HRH2: variants seen among roughly 807,000 people sequenced by gnomAD.
HRH2 encodes the protein histamine H2 receptor.
In HRH2, 4 loss-of-function variants were observed where a neutral mutation model predicts 20.1. The observed-to-expected ratio is 0.20, with a 90% confidence interval of 0.10 to 0.45. HRH2 has a LOEUF of 0.45. Ranked by LOEUF, HRH2 falls within the 20% of genes least tolerant of loss-of-function variation. The probability of loss-of-function intolerance (pLI) is 0.99; values close to 1 mark genes in which losing one functional copy is unlikely to be tolerated. For synonymous variants in HRH2, 197 were observed against 200.7 expected (o/e 0.98, Z 0.16); for missense variants, 250 against 461.6 (o/e 0.54, Z 4.20).
At chr5:175,697,814 C>T (rs1469191011) in intron 2 of HRH2, among the ~76,000 whole-genome samples, 2 of 152,258 alleles carry the variant, frequency 1.3e-5, no homozygotes, top group African/African-American at 4.8e-5. Flanking sequence ...ATACTTCTTC[C>T]TCTTCAGCTG....
At chr5:175,670,975 A>G (rs1243565930) in intron 1 of HRH2, among the ~76,000 whole-genome samples, 1 of 152,280 alleles carries the variant, frequency 6.6e-6, no homozygotes, top group African/African-American at 2.4e-5. Context: ...GGCAGGGGCC[A>G]ACAGAGAAAG....
At chr5:175,670,355 T>G (rs1032387315) in intron 1 of HRH2, among the ~76,000 whole-genome samples, 10 of 152,234 alleles carry the variant, frequency 6.6e-5, no homozygotes, top group African/African-American at 2.4e-4. Context: ...TAAAAAAAAT[T>G]GATAAACATT....
rs1755786672 is a variant in HRH2, at chr5:175,677,113, G to C, written c.-525-5596G>C. Among the ~76,000 whole-genome samples the C allele has an allele frequency of 6.6e-6, 1 of 152,108 alleles. No individual in the cohort carries two copies. Among genetic ancestry groups the C allele is most frequent in the Non-Finnish European group, 1.5e-5 (1 of 68,024 alleles). ...GGGCTCAAGCGATCTTCCCACCTCGGCCTCCCGAGTAGCCTGCCCTACAGG... is the reference window on the plus strand; with the variant it reads ...GGGCTCAAGCGATCTTCCCACCTCGCCCTCCCGAGTAGCCTGCCCTACAGG... On this transcript the variant is annotated intron_variant, in intron 1 of 2. Transcript: ENST00000636584. The surrounding 1 kb of genome is among the most constrained non-coding windows in gnomAD (Gnocchi z 4.2).
chr5:175,684,574 T>G (rs1435172839), intron 2 of HRH2, among the ~76,000 whole-genome samples: 2 of 152,232 alleles, frequency 1.3e-5, no homozygotes, highest in Non-Finnish European at 2.9e-5. Context: ...GTCACCTGAC[T>G]TCGGAACTCG....
chr5:175,683,608 G>A lies in HRH2; in HGVS notation c.375G>A (p.Arg125=). The A allele has an allele frequency of 6.2e-7, 1 of 1,614,164 alleles. No individual in the cohort carries two copies. The change falls in exon 2 of 3, where the codon CGG becomes CGA. Residue 125 remains arginine, a synonymous_variant. Coordinates refer to ENST00000636584, the MANE Select transcript of HRH2 (RefSeq NM_001367711.1). ...ACTGCGCTGTCATGGACCCACTGCG[G>A]TACCCTGTGCTGGTCACCCCAGTTC... ...DRYCAVMDPL[R]YPVLVTPVRV...
chr5:175,682,680 T>G (rs140859339), intron 1 of HRH2, 29 bp from the exon 2 acceptor site: 1 of 154,998 alleles, frequency 6.5e-6, no homozygotes, highest in East Asian at 1.9e-4. Flanking sequence ...GGTTTCAAGG[T>G]GCTTAACATC....
At chr5:175,678,809 C>T (rs1302682538) in intron 1 of HRH2, among the ~76,000 whole-genome samples, 1 of 152,238 alleles carries the variant, frequency 6.6e-6, no homozygotes, top group African/African-American at 2.4e-5. Context: ...GTGCAATTGC[C>T]AGGCTCCCAC....
Position 175,677,767 on chromosome 5 carries a change from G to A in HRH2, c.-525-4942G>A, listed in dbSNP as rs960923561. ...AGAATGAGGAACTGGGCGGTGCCGG[G>A]CAGCCACCTGCTCCGGCCCACCCCC... On this transcript the variant is annotated intron_variant, in intron 1 of 2. Coordinates refer to ENST00000636584, the MANE Select transcript of HRH2 (RefSeq NM_001367711.1). This position sits in a 1 kb window ranked among gnomAD's most constrained non-coding sequence, Gnocchi z 4.2. Among the ~76,000 whole-genome samples, 4 of 152,188 alleles carry A rather than the reference G, an allele frequency of 2.6e-5. No homozygotes were observed. The highest frequency in any genetic ancestry group is 5.9e-5 in the Non-Finnish European group (4 of 68,016).
At chr5:175,664,656 G>A (rs1762834665) in intron 1 of HRH2, among the ~76,000 whole-genome samples, 1 of 151,938 alleles carries the variant, frequency 6.6e-6, no homozygotes, top group South Asian at 2.1e-4. Flanking sequence ...AGCCACGGCA[G>A]GATTTTTTTT....
At chr5:175,676,782 G>A (rs1047471389) in intron 1 of HRH2, among the ~76,000 whole-genome samples, 8 of 152,120 alleles carry the variant, frequency 5.3e-5, no homozygotes, top group African/African-American at 1.7e-4. Flanking sequence ...CTAAGTCCAT[G>A]TGTACACATT....
At chr5:175,695,962 G>A (rs906279730) in intron 2 of HRH2, among the ~76,000 whole-genome samples, 2 of 152,240 alleles carry the variant, frequency 1.3e-5, no homozygotes, top group Admixed American at 6.5e-5. Context: ...AAGACACAGC[G>A]CTCAACAGCC....
At chr5:175,674,052 T>C (rs1561724008) in intron 1 of HRH2, among the ~76,000 whole-genome samples, 1 of 152,174 alleles carries the variant, frequency 6.6e-6, no homozygotes, top group Non-Finnish European at 1.5e-5. Context: ...GCTTTTCCCA[T>C]ACAAACAAAA....
At chr5:175,680,076 C>T (rs1755910096) in intron 1 of HRH2, among the ~76,000 whole-genome samples, 1 of 152,170 alleles carries the variant, frequency 6.6e-6, no homozygotes, top group Non-Finnish European at 1.5e-5. Flanking sequence ...CCAGGAGGAT[C>T]CAGCAGGACA....
intron 1 of HRH2, among the ~76,000 whole-genome samples, chr5:175,665,343 G>A (rs1306217837): frequency 6.6e-6 from 1 of 152,170 alleles, no homozygotes; most frequent in Non-Finnish European, 1.5e-5. Flanking sequence ...CAGCGGGAGA[G>A]GGAGGTCCGG....
intron 2 of HRH2, among the ~76,000 whole-genome samples, chr5:175,690,468 T>C (rs1756331194): frequency 6.6e-6 from 1 of 152,236 alleles, no homozygotes. Context: ...ATTCCTGGCA[T>C]GTGACAGGTA....
intron 1 of HRH2, among the ~76,000 whole-genome samples, chr5:175,659,725 G>T (rs1299992831): frequency 1.3e-5 from 2 of 152,164 alleles, no homozygotes; most frequent in African/African-American, 4.8e-5. Flanking sequence ...TTGCGGCATA[G>T]CACAGGGCCT....
rs928723200 is a variant in HRH2, at chr5:175,658,111, G to A, written c.-570G>A. The A allele has an allele frequency of 6.6e-6, 1 of 151,834 alleles. No homozygotes were observed. The highest frequency in any genetic ancestry group is 2.4e-5 in the African/African-American group (1 of 41,398). 9.4% of individuals were successfully genotyped at this position (151,834 alleles called of 1,614,324 possible). ...GCGCAGCCGGCGCGGGCGCGGGACC[G>A]AGGCGAACCGGGTGCGGAGCCAATA... On this transcript the variant is annotated 5_prime_UTR_variant, in exon 1 of 3. Transcript: ENST00000636584.
chr5:175,703,229 C>T (rs1378649341), intron 2 of HRH2, among the ~76,000 whole-genome samples: 1 of 152,164 alleles, frequency 6.6e-6, no homozygotes, highest in Non-Finnish European at 1.5e-5. Context: ...TATTTCAAGG[C>T]ACTGAATATG....
intron 2 of HRH2, among the ~76,000 whole-genome samples, chr5:175,688,505 T>C (rs1027116347): frequency 1.3e-5 from 2 of 152,236 alleles, no homozygotes; most frequent in African/African-American, 4.8e-5. Flanking sequence ...TGAGAAAGGC[T>C]GAGGCCCTCT....
Sources: allele counts gnomAD v4.1 joint callset (sites outside exome capture counted in the v4.1 genomes callset), GRCh38; gene constraint gnomAD v4.1.1; non-coding constraint Gnocchi (gnomAD v3.1); transcripts MANE v1.5; gene names NCBI Gene and HGNC (gene_info 2026-07-23, HGNC 2026-07-21).